Variants in ASIC2 observed in about 807,000 individuals in gnomAD.
ASIC2 encodes the protein acid-sensing ion channel 2.
Under a neutral mutation model 57.3 loss-of-function variants are expected in ASIC2, and 25 were observed. That is an observed-to-expected ratio of 0.44 (90% CI 0.32 to 0.61). The LOEUF (loss-of-function observed/expected upper bound fraction) is 0.61, where lower values mean the gene tolerates loss of function less well. ASIC2 is among the 20% of genes least tolerant of loss of function. The pLI, the probability that ASIC2 is intolerant of heterozygous loss-of-function variation, is 0.06. For synonymous variants in ASIC2, 319 were observed against 307.5 expected, an observed-to-expected ratio of 1.04 and a Z score of -0.39; for missense variants, 641 against 738.1, an observed-to-expected ratio of 0.87 and a Z score of 1.52.
intron 1 of ASIC2, among the ~76,000 whole-genome samples, chr17:33,963,164 A>G (rs1904977180): frequency 6.6e-6 from 1 of 152,156 alleles, no homozygotes; most frequent in Admixed American, 6.5e-5. Context: ...CAGGCTTCCA[A>G]CCTGGACTGG....
At chr17:33,652,524 C>A (rs972540988) in intron 1 of ASIC2, among the ~76,000 whole-genome samples, 5 of 152,194 alleles carry the variant, frequency 3.3e-5, no homozygotes, top group Non-Finnish European at 5.9e-5. Context: ...TGCAGACTGT[C>A]CAATTTTCCT....
At chr17:33,666,122 A>G (rs1907463554) in intron 1 of ASIC2, among the ~76,000 whole-genome samples, 1 of 151,974 alleles carries the variant, frequency 6.6e-6, no homozygotes, top group Non-Finnish European at 1.5e-5. Context: ...CCCCCACATA[A>G]CCAGATTGTT....
chr17:33,314,909 G>A (rs1020746912), intron 1 of ASIC2, among the ~76,000 whole-genome samples: 1 of 152,146 alleles, frequency 6.6e-6, no homozygotes, highest in Non-Finnish European at 1.5e-5. Flanking sequence ...GGCAATGTAG[G>A]GAGGTAGGGA....
At chr17:33,538,615 C>T (rs186109806) in intron 1 of ASIC2, among the ~76,000 whole-genome samples, 182 of 152,330 alleles carry the variant, frequency 1.2e-3, no homozygotes, top group Non-Finnish European at 1.0e-3. Context: ...TACTCTGTAT[C>T]ACCTCATGTA....
chr17:33,072,848 A>G (rs944760115), intron 3 of ASIC2, among the ~76,000 whole-genome samples: 5 of 152,254 alleles, frequency 3.3e-5, no homozygotes, highest in Middle Eastern at 3.4e-3. Context: ...TGAGACATTC[A>G]TTTCCCCACT....
intron 1 of ASIC2, among the ~76,000 whole-genome samples, chr17:33,668,272 C>CT (rs397856474): frequency 0.12 from 7,436 of 61,172 alleles, 1,779 homozygotes; most frequent in Non-Finnish European, 0.18. Context: ...ATCAAATGTT[C>CT]TTTTTTTTTT....
chr17:33,166,610 C>G (rs1432387485), intron 1 of ASIC2, among the ~76,000 whole-genome samples: 1 of 152,200 alleles, frequency 6.6e-6, no homozygotes, highest in Middle Eastern at 3.2e-3. Flanking sequence ...GAAGGCAAGA[C>G]TCCCTCCCCT....
chr17:33,964,959 T>C (rs1905033995), intron 1 of ASIC2, among the ~76,000 whole-genome samples: 1 of 152,206 alleles, frequency 6.6e-6, no homozygotes, highest in African/African-American at 2.4e-5. Context: ...CAGGACAAAG[T>C]GCTCACGGAC....
chr17:33,877,681 G>A (rs964451102), intron 1 of ASIC2, among the ~76,000 whole-genome samples: 1 of 152,240 alleles, frequency 6.6e-6, no homozygotes, highest in Non-Finnish European at 1.5e-5. Flanking sequence ...CACCTCTGGG[G>A]GCAGGGCACA....
At chr17:33,591,056 A>T (rs1474833280) in intron 1 of ASIC2, among the ~76,000 whole-genome samples, 5 of 151,960 alleles carry the variant, frequency 3.3e-5, no homozygotes, top group Admixed American at 2.0e-4. Flanking sequence ...CTATTTCCTA[A>T]CACCTCTGTT....
intron 1 of ASIC2, among the ~76,000 whole-genome samples, chr17:33,825,166 A>C (rs927769412): frequency 1.3e-5 from 2 of 152,170 alleles, no homozygotes; most frequent in African/African-American, 4.8e-5. Flanking sequence ...TCCCAACTGC[A>C]TACCTTGCCT....
At chr17:34,081,290 G>T (rs991262615) in intron 1 of ASIC2, among the ~76,000 whole-genome samples, 1 of 152,078 alleles carries the variant, frequency 6.6e-6, no homozygotes, top group African/African-American at 2.4e-5. Context: ...ACATTATAGT[G>T]GTAAGAAGGA....
At chr17:33,904,291 A>T (rs7222278) in intron 1 of ASIC2, among the ~76,000 whole-genome samples, 14,144 of 151,982 alleles carry the variant, frequency 0.093, 1,252 homozygotes, top group East Asian at 0.29. Flanking sequence ...AGGAATGCAG[A>T]GTCTGAGGCC....
At chr17:33,968,159 G>A (rs1186973969) in intron 1 of ASIC2, among the ~76,000 whole-genome samples, 1 of 152,072 alleles carries the variant, frequency 6.6e-6, no homozygotes, top group African/African-American at 2.4e-5. Context: ...TCCCCATGTT[G>A]CCAGAGCGAG....
intron 1 of ASIC2, among the ~76,000 whole-genome samples, chr17:33,743,582 G>C (rs1910172139): frequency 6.6e-6 from 1 of 152,230 alleles, no homozygotes; most frequent in African/African-American, 2.4e-5. Context: ...TAATACAGGT[G>C]AGCCTCCTCT....
At chr17:33,794,075 G>T (rs1308693759) in intron 1 of ASIC2, 1 of 152,162 alleles carries the variant, frequency 6.6e-6, no homozygotes, top group Non-Finnish European at 1.5e-5. Context: ...ACAGTGAATG[G>T]TCTATTCAAA....
intron 1 of ASIC2, among the ~76,000 whole-genome samples, chr17:33,580,468 C>T (rs1049139334): frequency 1.1e-4 from 16 of 152,166 alleles, no homozygotes; most frequent in Non-Finnish European, 2.2e-4. Context: ...AATGATGTTA[C>T]TTGTAGATGT....
chr17:33,759,875 G>A (rs193044747), intron 1 of ASIC2, among the ~76,000 whole-genome samples: 2 of 152,268 alleles, frequency 1.3e-5, no homozygotes, highest in African/African-American at 4.8e-5. Flanking sequence ...TAGAAAGCCT[G>A]GTGACCCAGG....
chr17:33,944,912 C>T (rs551617086), intron 1 of ASIC2, among the ~76,000 whole-genome samples: 1 of 152,286 alleles, frequency 6.6e-6, no homozygotes, highest in East Asian at 1.9e-4. Flanking sequence ...GCTTCCCTCA[C>T]CCCTGAGTCT....
Sources: allele counts gnomAD v4.1 joint callset (sites outside exome capture counted in the v4.1 genomes callset), GRCh38; gene constraint gnomAD v4.1.1; transcripts MANE v1.5; gene names NCBI Gene and HGNC (gene_info 2026-07-23, HGNC 2026-07-21).